PLEKHH2: variants seen among roughly 807,000 people sequenced by gnomAD.
PLEKHH2 encodes pleckstrin homology, MyTH4 and FERM domain containing H2.
PLEKHH2 carries 129 observed loss-of-function variants against 187.9 expected under a neutral mutation model. That is an observed-to-expected ratio of 0.69 (90% CI 0.59 to 0.79). The LOEUF (loss-of-function observed/expected upper bound fraction) is 0.79. Ranked by LOEUF, PLEKHH2 falls within the 30% of genes least tolerant of loss-of-function variation. PLEKHH2 has a pLI of 0.00. For missense variants in PLEKHH2, 2,076 were observed against 1,751.2 expected (o/e 1.19, Z -3.31); for synonymous variants, 686 against 605.6 (o/e 1.13, Z -1.95).
intron 9 of PLEKHH2, 151 bp downstream of exon 9, chr2:43,704,207 T>A (rs1669535381): frequency 1.7e-6 from 1 of 585,098 alleles, no homozygotes; most frequent in Admixed American, 3.4e-5. Context: ...TTCATAGGAA[T>A]AGAAAGTAGA....
Position 43,717,010 on chromosome 2 carries a change from G to A in PLEKHH2, c.2461-3659G>A, listed in dbSNP as rs138714698. ...CAGGCCCTGGAGCAAGAGTTGTTTC[G>A]TGATCAAACATGGAAACCCAAGTTG... is the stretch of plus-strand genomic sequence containing the variant. On this transcript the variant is annotated intron_variant, in intron 15 of 29. Transcript: ENST00000282406. Among the ~76,000 whole-genome samples, 487 of 152,294 alleles carry A rather than the reference G, an allele frequency of 3.2e-3. 3 individuals carry two copies. The highest frequency in any genetic ancestry group is 0.019 in the South Asian group (92 of 4,828).
intron 9 of PLEKHH2, among the ~76,000 whole-genome samples, chr2:43,704,662 TAAAAA>T (rs70965318): frequency 8.2e-4 from 69 of 84,292 alleles, no homozygotes; most frequent in African/African-American, 2.8e-3. Flanking sequence ...GATTCTGTCT[TAAAAA>T]AAAAAAAAAA....
intron 14 of PLEKHH2, chr2:43,711,215 C>T (rs1356423585): frequency 1.0e-6 from 1 of 985,472 alleles, no homozygotes; most frequent in Non-Finnish European, 1.2e-6. Context: ...CCATTATTTT[C>T]TTATATTGCT....
At chr2:43,750,763 T>C (rs1671977769) in intron 24 of PLEKHH2, among the ~76,000 whole-genome samples, 1 of 152,242 alleles carries the variant, frequency 6.6e-6, no homozygotes, top group Non-Finnish European at 1.5e-5. Flanking sequence ...AAATAATTCC[T>C]GTACTTAGCA....
chr2:43,669,831 C>T (rs938972082), intron 2 of PLEKHH2, among the ~76,000 whole-genome samples: 2 of 151,948 alleles, frequency 1.3e-5, no homozygotes, highest in African/African-American at 2.4e-5. Flanking sequence ...CTCAGCCTCC[C>T]AGAAACTTTT....
chr2:43,719,102 T>C (rs1474742706), intron 15 of PLEKHH2, among the ~76,000 whole-genome samples: 3 of 152,236 alleles, frequency 2.0e-5, no homozygotes, highest in Non-Finnish European at 2.9e-5. Context: ...TGTGAGCCTC[T>C]GCACTCTTGA....
intron 2 of PLEKHH2, among the ~76,000 whole-genome samples, chr2:43,670,352 T>C (rs1333009472): frequency 6.6e-6 from 1 of 152,164 alleles, no homozygotes; most frequent in Admixed American, 6.5e-5. Flanking sequence ...CAGAAAATAT[T>C]GTTCCCAGCA....
chr2:43,690,815 G>A (rs539234437), intron 3 of PLEKHH2, among the ~76,000 whole-genome samples: 10 of 152,286 alleles, frequency 6.6e-5, no homozygotes, highest in Non-Finnish European at 1.2e-4. Context: ...TCCTTGTGAA[G>A]TTTCTGCTGA....
intron 2 of PLEKHH2, among the ~76,000 whole-genome samples, chr2:43,677,901 G>A (rs1466399638): frequency 6.8e-6 from 1 of 146,948 alleles, no homozygotes; most frequent in Non-Finnish European, 1.5e-5. Flanking sequence ...CCTCCCTCCA[G>A]GACGGGGCGG....
At position 43,659,497 on chromosome 2, in the gene PLEKHH2, C is replaced by A. The variant is rs528195249; in HGVS notation, c.123+14701C>A. On this transcript the variant is annotated intron_variant, in intron 2 of 29. Transcript: ENST00000282406. ...TTTTATTTTACCAGACTAAATTGGT[C>A]TTTTGACCATTGATATTGTTATCTG... 2.0e-4 allele frequency among the ~76,000 whole-genome samples: 30 copies of A among 151,118 alleles called. No homozygotes were observed. In the South Asian group the frequency reaches 5.6e-3, roughly 28 times the overall value.
At chr2:43,731,423 T>G in intron 18 of PLEKHH2, 67 bp from the exon 19 acceptor site, 1 of 1,065,838 alleles carries the variant, frequency 9.4e-7, no homozygotes, top group Non-Finnish European at 1.4e-6. Context: ...TCTAAAGGAT[T>G]AATTTAATAA....
chr2:43,695,283 T>A, intron 6 of PLEKHH2, 59 bp downstream of exon 6: 1 of 926,496 alleles, frequency 1.1e-6, no homozygotes, highest in Non-Finnish European at 1.5e-6. Context: ...AGGCTTTTAC[T>A]TTTTTTGATG....
intron 3 of PLEKHH2, among the ~76,000 whole-genome samples, chr2:43,682,515 C>T (rs1233575235): frequency 6.6e-6 from 1 of 152,122 alleles, no homozygotes; most frequent in Non-Finnish European, 1.5e-5. Flanking sequence ...CCATGTTGGC[C>T]AGGCTGGTCT....
intron 1 of PLEKHH2, among the ~76,000 whole-genome samples, chr2:43,639,886 A>G (rs2104311011): frequency 6.6e-6 from 1 of 152,096 alleles, no homozygotes; most frequent in Non-Finnish European, 1.5e-5. Flanking sequence ...TGAACTCCTG[A>G]CCTCAGATGA....
At chr2:43,681,311 G>T in intron 3 of PLEKHH2, 2 of 813,768 alleles carry the variant, frequency 2.5e-6, no homozygotes, top group Non-Finnish European at 3.9e-6. Flanking sequence ...GTCTGTGTTG[G>T]TGAGGAATTT....
chr2:43,689,450 T>A (rs1668688679), intron 3 of PLEKHH2, among the ~76,000 whole-genome samples: 1 of 152,236 alleles, frequency 6.6e-6, no homozygotes. Flanking sequence ...TCTGAGTAGT[T>A]AAAATTCTTA....
At chr2:43,682,685 C>G (rs895329368) in intron 3 of PLEKHH2, among the ~76,000 whole-genome samples, 2 of 152,106 alleles carry the variant, frequency 1.3e-5, no homozygotes, top group Non-Finnish European at 2.9e-5. Flanking sequence ...CGAAAGGAAA[C>G]TCATCTCAAA....
chr2:43,657,262 CCCAT>C (rs1165535125), intron 2 of PLEKHH2, among the ~76,000 whole-genome samples: 1 of 152,112 alleles, frequency 6.6e-6, no homozygotes. Context: ...CTCCTGGCCT[CCCAT>C]CTCAGCCCTC....
chr2:43,699,701 G>A lies in PLEKHH2; in HGVS notation c.743G>A (p.Gly248Asp). The change falls in exon 8 of 30, where the codon GGC becomes GAC. Residue 248 changes from glycine (G) to aspartate (D), a missense_variant. Coordinates refer to ENST00000282406, the MANE Select transcript of PLEKHH2 (RefSeq NM_172069.4). ...AACCAAGTTCTAGAAAACAACAGAG[G>A]CCAGAGAACATTGCATCAAACCCCT... ...VDNQVLENNR[G>D]QRTLHQTPCG... is the part of the protein sequence containing the mutation. 1.2e-6 allele frequency: 2 copies of A among 1,614,142 alleles called. No homozygotes were observed. The highest frequency in any genetic ancestry group is 1.3e-5 in the African/African-American group (1 of 75,042).
Sources: allele counts gnomAD v4.1 joint callset (sites outside exome capture counted in the v4.1 genomes callset), GRCh38; gene constraint gnomAD v4.1.1; transcripts MANE v1.5; gene names NCBI Gene and HGNC (gene_info 2026-07-23, HGNC 2026-07-21).